The following NAF1 variants were observed in gnomAD, a reference collection of about 807,000 sequenced individuals.
NAF1 encodes the protein H/ACA ribonucleoprotein complex non-core subunit NAF1.
Under a neutral mutation model 40.6 loss-of-function variants are expected in NAF1, and 11 were observed. That is an observed-to-expected ratio of 0.27 (90% CI 0.17 to 0.45). NAF1 has a LOEUF of 0.45. Among genes scored for constraint, NAF1 ranks in the 20% least tolerant of loss-of-function variants. The pLI is 1.00. For synonymous variants in NAF1, 260 were observed against 228.5 expected (o/e 1.14, Z -1.24); for missense variants, 607 against 611.1 (o/e 0.99, Z 0.07).
intron 6 of NAF1, 115 bp downstream of exon 6, chr4:163,137,084 G>T: frequency 8.9e-7 from 1 of 1,119,632 alleles, no homozygotes; most frequent in Non-Finnish European, 1.3e-6. Flanking sequence ...ACAGGATAAG[G>T]CAGTATGGCT....
At chr4:163,133,438 A>G in intron 6 of NAF1, 182 bp from the exon 7 acceptor site, 1 of 535,226 alleles carries the variant, frequency 1.9e-6, no homozygotes, top group Non-Finnish European at 3.3e-6. Flanking sequence ...GCATTTTTTG[A>G]TAAATGCTTA....
Position 163,128,701 on chromosome 4 carries a change from C to T in NAF1, c.*196G>A. 1.8e-6 allele frequency: 2 copies of T among 1,130,064 alleles called. No individual in the cohort carries two copies. The highest frequency in any genetic ancestry group is 2.2e-6 in the Non-Finnish European group (2 of 895,448). The allele number at this position is 1,130,064 out of a possible 1,614,324, so 70.0% of individuals were successfully genotyped here. On this transcript the variant is annotated 3_prime_UTR_variant, in exon 8 of 8. Coordinates refer to ENST00000274054, the MANE Select transcript of NAF1 (RefSeq NM_138386.3). ...TAAATATTACATAATTTAATGTTCT[C>T]CCAAGAATTTGAGCTGACATTTTCA...
rs576222396 is a variant in NAF1, at chr4:163,121,679, C to CT, written c.115-11390dup. Among the ~76,000 whole-genome samples the CT allele has an allele frequency of 2.1e-3, 314 of 152,170 alleles. 1 individual carries two copies. The highest frequency in any genetic ancestry group is 7.3e-3 in the East Asian group (38 of 5,172). ...TCATTCTACAAATTAGTTTTTAATTCTTTTTTTAAGATCTAATATTTAATA... is the reference window on the plus strand; with the variant it reads ...TCATTCTACAAATTAGTTTTTAATTCTTTTTTTTAAGATCTAATATTTAATA... On this transcript the variant is annotated intron_variant, in intron 2 of 2. Transcript: ENST00000509434.
At chr4:163,128,331 T>C (rs1560783247), downstream of NAF1, among the ~76,000 whole-genome samples, 1 of 152,152 alleles carries the variant, frequency 6.6e-6, no homozygotes, top group East Asian at 1.9e-4. Flanking sequence ...TGCCTATGCA[T>C]AATAAATATT....
At chr4:163,111,263 T>C (rs1730152056) in intron 2 of NAF1, among the ~76,000 whole-genome samples, 1 of 152,016 alleles carries the variant, frequency 6.6e-6, no homozygotes, top group South Asian at 2.1e-4. Flanking sequence ...AGTGGGAAAA[T>C]GTCTTTGGTA....
chr4:163,145,235 A>C (rs1731415552), intron 4 of NAF1, among the ~76,000 whole-genome samples: 1 of 152,246 alleles, frequency 6.6e-6, no homozygotes, highest in South Asian at 2.1e-4. Flanking sequence ...AAAAGGGACC[A>C]AATCTTATAG....
chr4:163,153,182 T>C (rs1731799865), intron 2 of NAF1, among the ~76,000 whole-genome samples: 1 of 152,170 alleles, frequency 6.6e-6, no homozygotes, highest in African/African-American at 2.4e-5. Context: ...TACCACCCCC[T>C]GCTCCACGGC....
intron 2 of NAF1, among the ~76,000 whole-genome samples, chr4:163,162,145 T>C (rs796253104): frequency 2.0e-5 from 3 of 152,238 alleles, no homozygotes; most frequent in African/African-American, 7.2e-5. Flanking sequence ...AAGACTTTCA[T>C]GCAAGAGTCT....
chr4:163,141,196 C>A (rs1490761449), intron 4 of NAF1, among the ~76,000 whole-genome samples: 3 of 152,110 alleles, frequency 2.0e-5, no homozygotes, highest in Non-Finnish European at 4.4e-5. Flanking sequence ...GAAACTCTGT[C>A]TCTACTAAAA....
chr4:163,104,369 G>A, the NAF1 span, among the ~76,000 whole-genome samples: 2 of 152,090 alleles, frequency 1.3e-5, no homozygotes, highest in Non-Finnish European at 2.9e-5. Context: ...CATATTTGGT[G>A]TACTTCGCAA....
intron 2 of NAF1, among the ~76,000 whole-genome samples, chr4:163,154,036 A>T (rs1472101460): frequency 6.6e-6 from 1 of 151,920 alleles, no homozygotes; most frequent in East Asian, 1.9e-4. Flanking sequence ...GAAGGTCTGC[A>T]GCTTCACTCC....
At chr4:163,122,621 G>C (rs1044973999), downstream of NAF1, among the ~76,000 whole-genome samples, 1 of 152,134 alleles carries the variant, frequency 6.6e-6, no homozygotes, top group African/African-American at 2.4e-5. Context: ...TTGACTGTCT[G>C]TCCCCTCCAA....
At chr4:163,111,106 A>G (rs1373325362) in intron 2 of NAF1, among the ~76,000 whole-genome samples, 2 of 152,200 alleles carry the variant, frequency 1.3e-5, no homozygotes, top group Non-Finnish European at 1.5e-5. Flanking sequence ...CAACTATTGC[A>G]TAACTACCTT....
chr4:163,107,357 T>C (rs180898383), downstream of NAF1, among the ~76,000 whole-genome samples: 5 of 152,350 alleles, frequency 3.3e-5, no homozygotes, highest in Non-Finnish European at 5.9e-5. Flanking sequence ...CAAGTCTCTA[T>C]GTGTACTTGC....
At chr4:163,117,531 TC>T (rs988066082) in intron 2 of NAF1, 21 of 152,036 alleles carry the variant, frequency 1.4e-4, no homozygotes, top group Non-Finnish European at 1.2e-4. Context: ...TTTTTTTTTT[TC>T]ATACTTTCAA....
intron 2 of NAF1, among the ~76,000 whole-genome samples, chr4:163,159,624 A>G (rs1237338669): frequency 2.0e-5 from 3 of 152,030 alleles, no homozygotes; most frequent in Non-Finnish European, 4.4e-5. Context: ...ATTTCCATAC[A>G]TTCACGTTAG....
At position 163,153,565 on chromosome 4, in the gene NAF1, G is replaced by A. The variant is rs546620442; in HGVS notation, c.541-5131C>T. The stretch of plus-strand genomic sequence containing the variant: ...ACCCTGTGTTTAGCTCAAGGTTTGT[G>A]AATGCACCAATCGACACTCTGTATC... On this transcript the variant is annotated intron_variant, in intron 2 of 7. Transcript: ENST00000274054. Among the ~76,000 whole-genome samples the A allele has an allele frequency of 2.0e-4, 30 of 149,554 alleles. No homozygotes were observed. The East Asian group carries it at 5.5e-3, about 27-fold the overall frequency.
At chr4:163,105,982 A>G (rs1217772903), downstream of NAF1, among the ~76,000 whole-genome samples, 1 of 152,208 alleles carries the variant, frequency 6.6e-6, no homozygotes, top group Non-Finnish European at 1.5e-5. Flanking sequence ...TTTTGTTCTA[A>G]GTTGCATATT....
chr4:163,155,780 G>C (rs1335508584), intron 2 of NAF1, among the ~76,000 whole-genome samples: 1 of 152,170 alleles, frequency 6.6e-6, no homozygotes, highest in Non-Finnish European at 1.5e-5. Flanking sequence ...AGGGAAGGGT[G>C]TATATGTGTG....
Sources: gnomAD v4.1 joint callset for allele counts (sites outside exome capture counted in the v4.1 genomes callset) on GRCh38, gnomAD v4.1.1 for gene constraint, MANE v1.5 for transcripts, NCBI Gene and HGNC (gene_info 2026-07-23, HGNC 2026-07-21) for gene names.